Variants in MARCHF5 observed in about 807,000 individuals in gnomAD.
MARCHF5 encodes E3 ubiquitin-protein ligase MARCHF5.
In MARCHF5, 5 loss-of-function variants were observed where a neutral mutation model predicts 36.5. That is an observed-to-expected ratio of 0.14 (90% CI 0.07 to 0.29). The LOEUF is 0.29. MARCHF5 is among the 10% of genes least tolerant of loss of function. The pLI, the probability that MARCHF5 is intolerant of heterozygous loss-of-function variation, is 1.00. For synonymous variants in MARCHF5, 103 were observed against 109.9 expected, an observed-to-expected ratio of 0.94 and a Z score of 0.39; for missense variants, 179 against 336.3, an observed-to-expected ratio of 0.53 and a Z score of 3.66.
intron 2 of MARCHF5, among the ~76,000 whole-genome samples, chr10:92,321,115 G>A (rs950247050): frequency 1.3e-5 from 2 of 152,062 alleles, no homozygotes; most frequent in African/African-American, 4.8e-5. Context: ...ATACCATATA[G>A]CCTAGGTGTG....
chr10:92,350,902 G>A (rs1590671665), intron 5 of MARCHF5, among the ~76,000 whole-genome samples, 189 bp from the exon 6 acceptor site: 1 of 152,134 alleles, frequency 6.6e-6, no homozygotes, highest in East Asian at 1.9e-4. Flanking sequence ...GTTACCTGTA[G>A]TAACAGCGTA....
intron 1 of MARCHF5, among the ~76,000 whole-genome samples, chr10:92,306,404 C>G (rs1156739058): frequency 6.6e-6 from 1 of 152,138 alleles, no homozygotes; most frequent in African/African-American, 2.4e-5. Context: ...ACTGCCTAAA[C>G]CACACACACG....
At chr10:92,338,026 T>A (rs945667805) in intron 2 of MARCHF5, among the ~76,000 whole-genome samples, 6 of 149,810 alleles carry the variant, frequency 4.0e-5, no homozygotes, top group South Asian at 2.1e-4. Flanking sequence ...AAAAAAAAAA[T>A]TTAAATAAAG....
intron 2 of MARCHF5, among the ~76,000 whole-genome samples, chr10:92,322,851 C>A (rs1043355363): frequency 2.0e-5 from 3 of 151,666 alleles, no homozygotes; most frequent in African/African-American, 7.3e-5. Flanking sequence ...AATTCTCCTG[C>A]CTCAGCCTCC....
At chr10:92,339,059 TA>T (rs1315901494) in intron 2 of MARCHF5, among the ~76,000 whole-genome samples, 15 of 146,306 alleles carry the variant, frequency 1.0e-4, no homozygotes, top group African/African-American at 3.5e-4. Flanking sequence ...AAAAAAAAAT[TA>T]AAAATTAAAT....
intron 1 of MARCHF5, among the ~76,000 whole-genome samples, chr10:92,293,775 C>CG (rs1201693861): frequency 6.6e-6 from 1 of 151,558 alleles, no homozygotes; most frequent in Admixed American, 6.6e-5. Context: ...GAGTGGAACT[C>CG]CATCTCAAAA....
At chr10:92,309,614 T>TG (rs1423634850) in intron 1 of MARCHF5, among the ~76,000 whole-genome samples, 2 of 152,182 alleles carry the variant, frequency 1.3e-5, no homozygotes, top group Non-Finnish European at 2.9e-5. Flanking sequence ...ACCTCAGTTG[T>TG]GGGGAAAAAT....
chr10:92,346,927 A>G (rs1258835139), intron 3 of MARCHF5, among the ~76,000 whole-genome samples: 1 of 152,200 alleles, frequency 6.6e-6, no homozygotes, highest in Non-Finnish European at 1.5e-5. Context: ...AAAAGGACAC[A>G]TAACCCGACA....
intron 2 of MARCHF5, among the ~76,000 whole-genome samples, chr10:92,311,958 T>G (rs1843149967): frequency 6.6e-6 from 1 of 152,210 alleles, no homozygotes; most frequent in South Asian, 2.1e-4. Flanking sequence ...AGCAGCAGTA[T>G]AACTAAGGCT....
At chr10:92,327,869 GA>G (rs962234296) in intron 2 of MARCHF5, among the ~76,000 whole-genome samples, 31 of 150,108 alleles carry the variant, frequency 2.1e-4, no homozygotes, top group East Asian at 1.4e-3. Flanking sequence ...GCATAAAAGG[GA>G]AAAAAAAAGT....
intron 1 of MARCHF5, among the ~76,000 whole-genome samples, chr10:92,307,600 G>T (rs1171545319): frequency 6.6e-6 from 1 of 152,048 alleles, no homozygotes; most frequent in Non-Finnish European, 1.5e-5. Context: ...GTGTGGCCAG[G>T]CGCAGTGGGT....
chr10:92,329,025 C>T (rs1843406132), intron 2 of MARCHF5, among the ~76,000 whole-genome samples: 1 of 151,914 alleles, frequency 6.6e-6, no homozygotes, highest in South Asian at 2.1e-4. Context: ...TTTTTCATTG[C>T]CTCTAGGTCC....
At chr10:92,298,391 T>G (rs1842973215) in intron 1 of MARCHF5, among the ~76,000 whole-genome samples, 2 of 152,176 alleles carry the variant, frequency 1.3e-5, no homozygotes, top group South Asian at 4.1e-4. Context: ...GTGTCTTTAT[T>G]CCTGACCTCT....
chr10:92,352,452 A>G lies in MARCHF5; in HGVS notation c.*1245A>G, dbSNP rs575679722. ...AGTTTTGTATTCATTTTTAAAAGCA[A>G]TTATTGAAGCCATTTTCAATAGATT... On this transcript the variant is annotated 3_prime_UTR_variant, in exon 6 of 6. Coordinates refer to ENST00000358935, the MANE Select transcript of MARCHF5 (RefSeq NM_017824.5). 12 of 152,326 alleles carry G rather than the reference A, an allele frequency of 7.9e-5. No individual in the cohort carries two copies. The South Asian group carries it at 2.1e-3, about 26-fold the overall frequency. 9.4% of individuals were successfully genotyped at this position (152,326 alleles called of 1,614,324 possible).
chr10:92,296,993 A>G (rs919142995), intron 1 of MARCHF5, among the ~76,000 whole-genome samples: 2 of 152,162 alleles, frequency 1.3e-5, no homozygotes, highest in Admixed American at 1.3e-4. Context: ...AATTATATTT[A>G]TTTCCAGATA....
intron 2 of MARCHF5, among the ~76,000 whole-genome samples, chr10:92,338,677 A>G (rs925726115): frequency 2.6e-5 from 4 of 152,202 alleles, no homozygotes; most frequent in Non-Finnish European, 5.9e-5. Flanking sequence ...ACAGTGACAT[A>G]GCGATATTAT....
intron 3 of MARCHF5, among the ~76,000 whole-genome samples, chr10:92,341,809 A>G (rs1843583205): frequency 9.2e-6 from 1 of 109,064 alleles, no homozygotes; most frequent in South Asian, 2.7e-4. Context: ...TTTTTTTGAG[A>G]CAAGGTCTTG....
At chr10:92,347,532 T>TATAG (rs71025397) in intron 3 of MARCHF5, among the ~76,000 whole-genome samples, 4 of 119,820 alleles carry the variant, frequency 3.3e-5, no homozygotes, top group African/African-American at 1.4e-4. Context: ...ATGATAGATA[T>TATAG]ATAGATAGAT....
intron 1 of MARCHF5, among the ~76,000 whole-genome samples, chr10:92,295,043 T>A (rs538714449): frequency 3.3e-5 from 5 of 152,230 alleles, no homozygotes; most frequent in Non-Finnish European, 1.5e-5. Context: ...TAAAAAAAAA[T>A]GTTATTTTTC....
Sources: gnomAD v4.1 joint callset for allele counts (sites outside exome capture counted in the v4.1 genomes callset) on GRCh38, gnomAD v4.1.1 for gene constraint, MANE v1.5 for transcripts, NCBI Gene and HGNC (gene_info 2026-07-23, HGNC 2026-07-21) for gene names.